COL5A2: variants seen among roughly 807,000 people sequenced by gnomAD.
The protein encoded by COL5A2 is collagen type V alpha 2 chain.
A neutral mutation model predicts 208.2 loss-of-function variants in COL5A2; 23 were observed. The ratio of observed to expected loss-of-function variants is 0.11; its 90% CI spans 0.08 to 0.16. COL5A2 has a LOEUF of 0.16. Ranked by LOEUF, COL5A2 falls within the 10% of genes least tolerant of loss-of-function variation. The pLI, the probability that COL5A2 is intolerant of heterozygous loss-of-function variation, is 1.00. For missense variants in COL5A2, 1,590 were observed against 1,956.4 expected (o/e 0.81, Z 3.53); for synonymous variants, 625 against 628.5 (o/e 0.99, Z 0.08).
the COL5A2 span, among the ~76,000 whole-genome samples, chr2:189,274,130 AAT>A: frequency 2.0e-5 from 3 of 151,522 alleles, no homozygotes; most frequent in African/African-American, 7.4e-5. Context: ...TAATTTTGTC[AAT>A]AAAAATATTT....
chr2:189,418,886 G>A, the COL5A2 span, among the ~76,000 whole-genome samples: 1 of 152,154 alleles, frequency 6.6e-6, no homozygotes, highest in Non-Finnish European at 1.5e-5. Context: ...GGAATTGGGG[G>A]AGTAAATTTA....
the COL5A2 span, among the ~76,000 whole-genome samples, chr2:189,338,616 C>G: frequency 3.3e-5 from 5 of 150,546 alleles, no homozygotes; most frequent in Non-Finnish European, 5.9e-5. Context: ...GTGGCTTTTT[C>G]TGATAATAAC....
At position 189,066,753 on chromosome 2, in the gene COL5A2, T is replaced by G; in HGVS notation, c.1431A>C (p.Gly477=). The G allele has an allele frequency of 6.2e-7, 1 of 1,613,764 alleles. No homozygotes were observed. The highest frequency in any genetic ancestry group is 8.5e-7 in the Non-Finnish European group (1 of 1,179,718). ...CTGGTTCCCCTTTTGGGCCAGCTTC[T>G]CCTTTGAAACCTGGAACTCCTGGAT... ...PGDPGVPGFK[G]EAGPKGEPGP... The change falls in exon 22 of 54, where the codon GGA becomes GGC. Residue 477 remains glycine (G), a synonymous_variant. Transcript: ENST00000374866.
intron 52 of COL5A2, 113 bp from the exon 53 acceptor site, chr2:189,035,268 T>G: frequency 7.4e-7 from 1 of 1,359,392 alleles, no homozygotes; most frequent in South Asian, 1.3e-5. Context: ...TTGAAGAGTA[T>G]TACTTTAATT....
the COL5A2 span, among the ~76,000 whole-genome samples, chr2:189,294,149 C>G: frequency 6.6e-6 from 1 of 150,818 alleles, no homozygotes; most frequent in East Asian, 2.0e-4. Context: ...GCAGCCTGAA[C>G]GGGCTGATAG....
At chr2:189,055,269 A>G (rs1476230532) in intron 35 of COL5A2, among the ~76,000 whole-genome samples, 3 of 152,224 alleles carry the variant, frequency 2.0e-5, no homozygotes, top group African/African-American at 7.2e-5. Flanking sequence ...TTATGGGCAT[A>G]GGAGAGCTAA....
the COL5A2 span, among the ~76,000 whole-genome samples, chr2:189,395,174 T>A: frequency 6.6e-6 from 1 of 152,236 alleles, no homozygotes; most frequent in East Asian, 1.9e-4. Context: ...ACCTAAGATT[T>A]TAACAATTTC....
In COL5A2 at chr2:189,179,677, T is replaced by C; in HGVS notation, c.-73A>G. Reference sequence around the variant, plus strand: ...CTGAGGTTATTGTAGCACCATGAAGTCAGCTGTGGGCTCTTCTTTCAGCAC... The same window carrying C: ...CTGAGGTTATTGTAGCACCATGAAGCCAGCTGTGGGCTCTTCTTTCAGCAC... On this transcript the variant is annotated 5_prime_UTR_variant, in exon 1 of 54. Coordinates refer to ENST00000374866, the MANE Select transcript of COL5A2 (RefSeq NM_000393.5). 6.5e-7 allele frequency: 1 copy of C among 1,548,594 alleles called. No homozygotes were observed. Among genetic ancestry groups the C allele is most frequent in the Non-Finnish European group, 8.7e-7 (1 of 1,147,990 alleles).
chr2:189,187,859 C>G (rs1017581255), intron 1 of COL5A2, among the ~76,000 whole-genome samples: 3 of 151,624 alleles, frequency 2.0e-5, no homozygotes, highest in Non-Finnish European at 2.9e-5. Flanking sequence ...GTCCCAGCTA[C>G]TCAGGAGGCC....
Position 189,100,514 on chromosome 2 carries a change from G to A in COL5A2, c.337-375C>T, listed in dbSNP as rs1318035524. On this transcript the variant is annotated intron_variant, in intron 3 of 53. Transcript: ENST00000374866. ...GAAAACACAAAAAGAGCCAGAAATT[G>A]TAATACATAAAAATTAATATAAATT... Among the ~76,000 whole-genome samples the A allele has an allele frequency of 2.6e-5, 4 of 151,730 alleles. No individual in the cohort carries two copies. The East Asian group carries it at 7.7e-4, about 29-fold the overall frequency.
Position 189,057,079 on chromosome 2 carries a change from C to T in COL5A2, c.2338-53G>A, listed in dbSNP as rs1685914579. 4.4e-6 allele frequency: 7 copies of T among 1,573,968 alleles called. No homozygotes were observed. The East Asian group carries it at 1.3e-4, about 30-fold the overall frequency. On this transcript the variant is annotated intron_variant, in intron 34 of 53. Coordinates refer to ENST00000374866, the MANE Select transcript of COL5A2 (RefSeq NM_000393.5). Reference sequence around the variant, plus strand: ...TTCATTTAATTGTCTCTTTCCCACACTTGTGTGTAAGTTTCATGAGAGTGA... The same window carrying T: ...TTCATTTAATTGTCTCTTTCCCACATTTGTGTGTAAGTTTCATGAGAGTGA...
At chr2:189,042,275 T>C (rs113492669) in intron 49 of COL5A2, among the ~76,000 whole-genome samples, 36 of 152,310 alleles carry the variant, frequency 2.4e-4, no homozygotes, top group Non-Finnish European at 3.5e-4. Context: ...AAGCTTCAAA[T>C]ATTGGCTTCA....
chr2:189,426,187 C>T, the COL5A2 span, among the ~76,000 whole-genome samples: 1 of 151,994 alleles, frequency 6.6e-6, no homozygotes, highest in East Asian at 1.9e-4. Context: ...TTGTTATGAC[C>T]CAAATGCTGA....
At chr2:189,060,166 C>G (rs1254031242) in intron 31 of COL5A2, among the ~76,000 whole-genome samples, 1 of 152,010 alleles carries the variant, frequency 6.6e-6, no homozygotes, top group Non-Finnish European at 1.5e-5. Flanking sequence ...TTAGGTGCAT[C>G]TTTTTTGTTT....
At chr2:189,269,892 A>G in the COL5A2 span, among the ~76,000 whole-genome samples, 1 of 152,126 alleles carries the variant, frequency 6.6e-6, no homozygotes, top group East Asian at 1.9e-4. Flanking sequence ...TAGGCCATTA[A>G]TTACTGCTTC....
the COL5A2 span, among the ~76,000 whole-genome samples, chr2:189,357,046 G>A: frequency 1.3e-5 from 2 of 152,196 alleles, no homozygotes; most frequent in East Asian, 3.9e-4. Flanking sequence ...CTGTTTGCCT[G>A]GGTATCACCA....
At chr2:189,209,994 G>A (rs1689191671) in intron 1 of COL5A2, among the ~76,000 whole-genome samples, 1 of 152,156 alleles carries the variant, frequency 6.6e-6, no homozygotes, top group Admixed American at 6.5e-5. Context: ...CGCCCTGAAA[G>A]GGAAGCTAGG....
intron 31 of COL5A2, among the ~76,000 whole-genome samples, chr2:189,059,298 TC>T (rs1685969360): frequency 6.6e-6 from 1 of 152,076 alleles, no homozygotes; most frequent in South Asian, 2.1e-4. Flanking sequence ...ATAGAACCAA[TC>T]CAATTCTACT....
intron 1 of COL5A2, among the ~76,000 whole-genome samples, chr2:189,138,174 C>T (rs1308338125): frequency 6.6e-6 from 1 of 152,042 alleles, no homozygotes; most frequent in African/African-American, 2.4e-5. Context: ...CAGGGTTGCA[C>T]CATGTTGGCC....
Sources: gnomAD v4.1 joint callset for allele counts (sites outside exome capture counted in the v4.1 genomes callset) on GRCh38, gnomAD v4.1.1 for gene constraint, MANE v1.5 for transcripts, NCBI Gene and HGNC (gene_info 2026-07-23, HGNC 2026-07-21) for gene names.